RAPGEF5: variants seen among roughly 807,000 people sequenced by gnomAD.
RAPGEF5 encodes M-Ras-regulated GEF.
In RAPGEF5, 65 loss-of-function variants were observed where a neutral mutation model predicts 125.2. The observed-to-expected ratio is 0.52, with a 90% confidence interval of 0.43 to 0.64. RAPGEF5 has a LOEUF of 0.64. Among genes scored for constraint, RAPGEF5 ranks in the 30% least tolerant of loss-of-function variants. The probability of loss-of-function intolerance (pLI) is 0.00; values close to 1 mark genes in which losing one functional copy is unlikely to be tolerated. For missense variants in RAPGEF5, 958 were observed against 1,048.1 expected (o/e 0.91, Z 1.19); for synonymous variants, 391 against 385.9 (o/e 1.01, Z -0.16).
intron 7 of RAPGEF5, among the ~76,000 whole-genome samples, chr7:22,258,745 T>C (rs113284441): frequency 4.0e-5 from 6 of 148,726 alleles, no homozygotes; most frequent in Admixed American, 2.7e-4. Context: ...GGCAATATAA[T>C]AGGGAAAAGA....
rs138662381 is a variant in RAPGEF5 at position 22,184,938 on chromosome 7, CCTCT to C, written c.1204+8425_1204+8428del. Among the ~76,000 whole-genome samples, 7 of 151,774 alleles carry C rather than the reference CCTCT, an allele frequency of 4.6e-5. No individual in the cohort carries two copies. The East Asian group carries it at 5.8e-4, about 13-fold the overall frequency. ...CTAGGACCTCTCTCTCTTTCTCTCT[CCTCT>C]CTCTCTCTCAACCTTTTTGAAGCAG... On this transcript the variant is annotated intron_variant, in intron 11 of 25. Transcript: ENST00000665637.
At chr7:22,224,908 A>C (rs1262212112) in intron 8 of RAPGEF5, among the ~76,000 whole-genome samples, 1 of 151,968 alleles carries the variant, frequency 6.6e-6, no homozygotes, top group African/African-American at 2.4e-5. Flanking sequence ...AGGAAATTTA[A>C]GGTCTTCACT....
At chr7:22,198,575 C>T (rs1260307654) in intron 9 of RAPGEF5, among the ~76,000 whole-genome samples, 1 of 152,094 alleles carries the variant, frequency 6.6e-6, no homozygotes, top group Admixed American at 6.6e-5. Context: ...ACCATTAATA[C>T]CTAATATAAT....
chr7:22,176,446 G>A (rs7787278), intron 11 of RAPGEF5, among the ~76,000 whole-genome samples: 59,065 of 151,780 alleles, frequency 0.39, 12,521 homozygotes, highest in Non-Finnish European at 0.47. Context: ...AGATAGCTAG[G>A]TTATATTAAA....
At chr7:22,335,305 T>C (rs1568571) in intron 1 of RAPGEF5, among the ~76,000 whole-genome samples, 30,811 of 152,178 alleles carry the variant, frequency 0.2, 3,332 homozygotes, top group Admixed American at 0.23. Flanking sequence ...GACAAACAGC[T>C]ATCAGTATCT....
intron 21 of RAPGEF5, among the ~76,000 whole-genome samples, chr7:22,138,730 T>C (rs6952257): frequency 0.61 from 92,787 of 151,722 alleles, 28,417 homozygotes; most frequent in Middle Eastern, 0.68. Context: ...ATGGCACTGA[T>C]GCAGTGCTCT....
At chr7:22,276,879 C>G (rs1655869718) in intron 6 of RAPGEF5, among the ~76,000 whole-genome samples, 1 of 152,190 alleles carries the variant, frequency 6.6e-6, no homozygotes. Context: ...TATTATCATC[C>G]TCATCACATT....
chr7:22,242,444 G>A (rs944635252), intron 7 of RAPGEF5, among the ~76,000 whole-genome samples: 4 of 152,136 alleles, frequency 2.6e-5, no homozygotes, highest in African/African-American at 9.7e-5. Flanking sequence ...TTTAAGTTCT[G>A]CCAATATGGG....
intron 11 of RAPGEF5, among the ~76,000 whole-genome samples, chr7:22,175,972 T>C (rs1784491644): frequency 6.6e-6 from 1 of 152,252 alleles, no homozygotes; most frequent in East Asian, 1.9e-4. Flanking sequence ...TTTTCATGTA[T>C]TAGTACGTTC....
rs1782599020 is a variant in RAPGEF5 at position 22,122,184 on chromosome 7, C to G, written c.*222G>C. 3 of 497,846 alleles carry G rather than the reference C, an allele frequency of 6.0e-6. No homozygotes were observed. The highest frequency in any genetic ancestry group is 6.5e-5 in the East Asian group (2 of 30,822). The allele number at this position is 497,846 out of a possible 1,614,324, so 30.8% of individuals were successfully genotyped here. A position where few individuals can be genotyped will look rare whatever the true frequency, so the allele number is the denominator to read the frequency against. On this transcript the variant is annotated 3_prime_UTR_variant, in exon 26 of 26. Transcript: ENST00000665637. ...CCATCTCAAGAATGCTTCTGACTCT[C>G]CTTCTGCCTTCTTGTCCCGAGAGTA...
chr7:22,356,081 G>C, intron 1 of RAPGEF5: 1 of 985,406 alleles, frequency 1.0e-6, no homozygotes, highest in Non-Finnish European at 1.2e-6. Context: ...AAGATCCCAG[G>C]AGACAATCAG....
intron 20 of RAPGEF5, among the ~76,000 whole-genome samples, chr7:22,141,826 T>C (rs533592047): frequency 6.6e-6 from 1 of 152,332 alleles, no homozygotes; most frequent in African/African-American, 2.4e-5. Flanking sequence ...ACGTGGTTTT[T>C]TGCCAACTTT....
At chr7:22,330,833 G>A (rs150999716) in intron 1 of RAPGEF5, among the ~76,000 whole-genome samples, 30 of 152,276 alleles carry the variant, frequency 2.0e-4, no homozygotes, top group African/African-American at 2.6e-4. Context: ...GAAGGCACAT[G>A]GTCAATGTCG....
At chr7:22,333,910 C>T (rs1352616448) in intron 1 of RAPGEF5, among the ~76,000 whole-genome samples, 1 of 152,220 alleles carries the variant, frequency 6.6e-6, no homozygotes, top group Non-Finnish European at 1.5e-5. Context: ...CATGGCTTGA[C>T]ATGGCTCGTG....
chr7:22,307,578 A>G lies in RAPGEF5; in HGVS notation c.680+761T>C, dbSNP rs1254929129. Among the ~76,000 whole-genome samples, 3 of 152,112 alleles carry G rather than the reference A, an allele frequency of 2.0e-5. No homozygotes were observed. The East Asian group carries it at 5.8e-4, about 29-fold the overall frequency. The stretch of plus-strand genomic sequence containing the variant: ...CAGTCAACTGTCATTTTTTTAACTA[A>G]TAAGAGTTACCCTTGTTATGGTTAT... On this transcript the variant is annotated intron_variant, in intron 5 of 25. Transcript: ENST00000665637.
chr7:22,245,745 A>G (rs754299814), intron 7 of RAPGEF5, among the ~76,000 whole-genome samples: 1 of 152,164 alleles, frequency 6.6e-6, no homozygotes, highest in East Asian at 1.9e-4. Context: ...ATAGTACTGG[A>G]AGCCCATGCC....
intron 8 of RAPGEF5, 99 bp from the exon 9 acceptor site, chr7:22,220,090 C>A (rs1482151518): frequency 1.4e-6 from 2 of 1,408,076 alleles, no homozygotes; most frequent in Non-Finnish European, 2.0e-6. Flanking sequence ...ATCTTTTCCA[C>A]TGCCTGGATT....
intron 1 of RAPGEF5, among the ~76,000 whole-genome samples, chr7:22,338,545 T>C (rs1373387937): frequency 6.6e-6 from 1 of 152,250 alleles, no homozygotes; most frequent in Non-Finnish European, 1.5e-5. Flanking sequence ...TAGTCATTTG[T>C]GTATTCTCAA....
chr7:22,120,040 T>G lies in RAPGEF5; in HGVS notation c.*2366A>C, dbSNP rs1192222638. 1 of 152,266 alleles carries G rather than the reference T, an allele frequency of 6.6e-6. No homozygotes were observed. Among genetic ancestry groups the G allele is most frequent in the Non-Finnish European group, 1.5e-5 (1 of 68,058 alleles). The allele number at this position is 152,266 out of a possible 1,614,324, so 9.4% of individuals were successfully genotyped here. ...TTGGAAACTTCTGAGAGCTGCTGCCTGGCAAACCTCTGGAGACAGTTGTTA... is the reference window on the plus strand; with the variant it reads ...TTGGAAACTTCTGAGAGCTGCTGCCGGGCAAACCTCTGGAGACAGTTGTTA... On this transcript the variant is annotated 3_prime_UTR_variant, in exon 26 of 26. Coordinates refer to ENST00000665637, the MANE Select transcript of RAPGEF5 (RefSeq NM_012294.5). The surrounding 1 kb of genome is among the most constrained non-coding windows in gnomAD (Gnocchi z 4.0).
Sources: gnomAD v4.1 joint callset for allele counts (sites outside exome capture counted in the v4.1 genomes callset) on GRCh38, gnomAD v4.1.1 for gene constraint, Gnocchi (gnomAD v3.1) non-coding constraint, MANE v1.5 for transcripts, NCBI Gene and HGNC (gene_info 2026-07-23, HGNC 2026-07-21) for gene names.